Variants in CACNA1E observed in about 807,000 individuals in gnomAD.
CACNA1E encodes the protein calcium voltage-gated channel subunit alpha1 E.
A neutral mutation model predicts 259.2 loss-of-function variants in CACNA1E; 40 were observed. That is an observed-to-expected ratio of 0.15 (90% CI 0.12 to 0.20). The LOEUF is 0.20. Among genes scored for constraint, CACNA1E ranks in the 10% least tolerant of loss-of-function variants. CACNA1E has a pLI of 1.00. For synonymous variants in CACNA1E, 1,104 were observed against 1,138.5 expected (o/e 0.97, Z 0.61); for missense variants, 1,874 against 3,040.1 (o/e 0.62, Z 9.02).
At chr1:181,364,801 AGTT>A in intron 1 of CACNA1E, among the ~76,000 whole-genome samples, 1 of 152,242 alleles carries the variant, frequency 6.6e-6, no homozygotes, top group African/African-American at 2.4e-5. Flanking sequence ...AGGAGAAAGT[AGTT>A]GCTTTGGATC....
At chr1:181,507,796 C>A (rs1665834832) in intron 1 of CACNA1E, among the ~76,000 whole-genome samples, 1 of 152,190 alleles carries the variant, frequency 6.6e-6, no homozygotes, top group Admixed American at 6.5e-5. Context: ...AGTACTTGTG[C>A]CCAGTCCTAC....
chr1:181,715,968 C>A, intron 9 of CACNA1E, 72 bp from the exon 10 acceptor site: 1 of 1,005,964 alleles, frequency 9.9e-7, no homozygotes, highest in Non-Finnish European at 1.5e-6. Flanking sequence ...TGCCTGCATT[C>A]CTCAAAATTT....
At position 181,732,647 on chromosome 1, in the gene CACNA1E, G is replaced by T. The variant is rs1456562600; in HGVS notation, c.2561G>T (p.Gly854Val). 3 of 1,506,668 alleles carry T rather than the reference G, an allele frequency of 2.0e-6. No homozygotes were observed. The African/African-American group carries it at 4.2e-5, about 21-fold the overall frequency. 93.3% of individuals were successfully genotyped at this position (1,506,668 alleles called of 1,614,324 possible). The change falls in exon 20 of 48, where the codon GGG (glycine) becomes GTG (valine). Residue 854 changes from glycine to valine, a missense_variant. Around this residue, in one of 14 missense-constraint regions of CACNA1E, gnomAD observed 476 missense variants for 514.0 expected, o/e 0.93. Transcript: ENST00000367573. The surrounding 1 kb of genome is among the most constrained non-coding windows in gnomAD (Gnocchi z 5.5). ...KFEEERISRG[G>V]SLKGDGGDRS... ...GAGGAGGAGCGCATCAGCCGTGGGGGGTCCCTCAAGGGGGATGGAGGGGAC... is the reference window on the plus strand; with the variant it reads ...GAGGAGGAGCGCATCAGCCGTGGGGTGTCCCTCAAGGGGGATGGAGGGGAC...
intron 1 of CACNA1E, among the ~76,000 whole-genome samples, chr1:181,373,320 T>C (rs1472250772): frequency 6.6e-6 from 1 of 152,146 alleles, no homozygotes; most frequent in East Asian, 1.9e-4. Flanking sequence ...GAACTCATTA[T>C]GGTCTGTTCA....
intron 7 of CACNA1E, among the ~76,000 whole-genome samples, chr1:181,708,565 G>T (rs1306276430): frequency 6.6e-6 from 1 of 152,078 alleles, no homozygotes; most frequent in East Asian, 1.9e-4. Context: ...AACCTCCCTG[G>T]ATTCCCCCAG....
chr1:181,575,903 T>G (rs1407274753), intron 3 of CACNA1E, among the ~76,000 whole-genome samples: 1 of 152,168 alleles, frequency 6.6e-6, no homozygotes, highest in Non-Finnish European at 1.5e-5. Flanking sequence ...TTTATCTCGC[T>G]CTTTCTCTTT....
chr1:181,371,783 T>C (rs1324770196), intron 1 of CACNA1E, among the ~76,000 whole-genome samples: 1 of 152,202 alleles, frequency 6.6e-6, no homozygotes, highest in Non-Finnish European at 1.5e-5. Context: ...GGAAGGGATC[T>C]AGATTCAATC....
chr1:181,573,790 G>T (rs570177022), intron 3 of CACNA1E, among the ~76,000 whole-genome samples: 2 of 152,232 alleles, frequency 1.3e-5, no homozygotes, highest in South Asian at 4.1e-4. Context: ...ATACCCAAAG[G>T]AATATAAATC....
At chr1:181,417,262 A>G (rs947190633) in intron 2 of CACNA1E, among the ~76,000 whole-genome samples, 8 of 152,132 alleles carry the variant, frequency 5.3e-5, no homozygotes, top group Non-Finnish European at 1.0e-4. Context: ...AGCACCAAAC[A>G]TATTTTCCAG....
At chr1:181,529,051 C>T (rs1458909487) in intron 3 of CACNA1E, among the ~76,000 whole-genome samples, 2 of 152,218 alleles carry the variant, frequency 1.3e-5, no homozygotes, top group African/African-American at 4.8e-5. Flanking sequence ...CCTCCCATCA[C>T]AGGCCCAGAG....
intron 1 of CACNA1E, among the ~76,000 whole-genome samples, chr1:181,356,206 T>G (rs1199342875): frequency 1.3e-5 from 2 of 152,124 alleles, no homozygotes; most frequent in African/African-American, 4.8e-5. Context: ...AGGAATATTC[T>G]AGATGACTTA....
At chr1:181,533,595 A>G (rs139614502) in intron 3 of CACNA1E, among the ~76,000 whole-genome samples, 2 of 145,278 alleles carry the variant, frequency 1.4e-5, no homozygotes, top group African/African-American at 4.9e-5. Context: ...TTATAATTTC[A>G]TATGAATTAG....
intron 7 of CACNA1E, among the ~76,000 whole-genome samples, chr1:181,686,294 T>TG (rs1650556434): frequency 5.1e-5 from 7 of 136,760 alleles, no homozygotes; most frequent in Non-Finnish European, 7.8e-5. Context: ...TTTTTTTTTT[T>TG]TTTTTTTTTG....
chr1:181,384,836 A>G (rs1197518080), intron 1 of CACNA1E, among the ~76,000 whole-genome samples: 2 of 152,160 alleles, frequency 1.3e-5, no homozygotes, highest in Admixed American at 6.5e-5. Flanking sequence ...ACATGTATAC[A>G]TATGTAACTA....
chr1:181,530,836 G>T (rs184664663), intron 3 of CACNA1E, among the ~76,000 whole-genome samples: 15 of 152,292 alleles, frequency 9.8e-5, no homozygotes, highest in Non-Finnish European at 1.9e-4. Flanking sequence ...CCCAGGAGCT[G>T]CTGGGCTGGA....
chr1:181,353,117 T>C (rs1055505615), intron 1 of CACNA1E, among the ~76,000 whole-genome samples: 3 of 152,164 alleles, frequency 2.0e-5, no homozygotes, highest in African/African-American at 7.2e-5. Context: ...TGGGAATTAA[T>C]GGGATGACTG....
At chr1:181,615,271 A>G (rs1164158642) in intron 6 of CACNA1E, among the ~76,000 whole-genome samples, 1 of 152,012 alleles carries the variant, frequency 6.6e-6, no homozygotes, top group Non-Finnish European at 1.5e-5. Flanking sequence ...GCTCACTGCA[A>G]CCTCTGCCTC....
chr1:181,549,496 G>A (rs746965233), intron 3 of CACNA1E, among the ~76,000 whole-genome samples: 3 of 152,190 alleles, frequency 2.0e-5, no homozygotes, highest in African/African-American at 7.2e-5. Flanking sequence ...GGGTGGTTGG[G>A]TGTAGACACA....
At position 181,803,003 on chromosome 1, in the gene CACNA1E, A is replaced by G. The variant is rs1275863620; in HGVS notation, c.*4169A>G. Reference sequence around the variant, plus strand: ...AAATAGCTACCTTTCAAGGATTTTGAGATTTGAAGGTTAAGGAATTTTTAC... The same window carrying G: ...AAATAGCTACCTTTCAAGGATTTTGGGATTTGAAGGTTAAGGAATTTTTAC... On this transcript the variant is annotated 3_prime_UTR_variant, in exon 48 of 48. Coordinates refer to ENST00000367573, the MANE Select transcript of CACNA1E (RefSeq NM_001205293.3). The G allele has an allele frequency of 6.6e-6, 1 of 152,116 alleles. No homozygotes were observed. Among genetic ancestry groups the G allele is most frequent in the African/African-American group, 2.4e-5 (1 of 41,398 alleles). 9.4% of individuals were successfully genotyped at this position (152,116 alleles called of 1,614,324 possible). A position where few individuals can be genotyped will look rare whatever the true frequency, so the allele number is the denominator to read the frequency against.
Sources: allele counts gnomAD v4.1 joint callset (sites outside exome capture counted in the v4.1 genomes callset), GRCh38; gene constraint gnomAD v4.1.1; regional missense constraint gnomAD v4.1.1; non-coding constraint Gnocchi (gnomAD v3.1); transcripts MANE v1.5; gene names NCBI Gene and HGNC (gene_info 2026-07-23, HGNC 2026-07-21).